CRPPA: variants seen among roughly 807,000 people sequenced by gnomAD.
CRPPA encodes the protein D-ribitol-5-phosphate cytidylyltransferase.
A neutral mutation model predicts 52.0 loss-of-function variants in CRPPA; 43 were observed. That is an observed-to-expected ratio of 0.83 (90% CI 0.65 to 1.07). CRPPA has a LOEUF of 1.07. CRPPA is among the 50% of genes least tolerant of loss of function. The pLI is 0.00. For missense variants in CRPPA, 629 were observed against 551.7 expected (o/e 1.14, Z -1.40); for synonymous variants, 250 against 203.5 (o/e 1.23, Z -1.94).
intron 9 of CRPPA, 44 bp downstream of exon 9, chr7:16,216,022 C>G: frequency 6.9e-7 from 1 of 1,450,064 alleles, no homozygotes; most frequent in South Asian, 1.3e-5. Context: ...ACCATTAAAA[C>G]TAGTCTACAG....
At chr7:16,389,200 A>G (rs1455314969) in intron 2 of CRPPA, among the ~76,000 whole-genome samples, 2 of 152,222 alleles carry the variant, frequency 1.3e-5, no homozygotes, top group African/African-American at 2.4e-5. Flanking sequence ...GTTAATACTA[A>G]TTCCTCAAAC....
intron 2 of CRPPA, among the ~76,000 whole-genome samples, chr7:16,397,492 ATGAC>A (rs1787631139): frequency 2.0e-5 from 3 of 152,226 alleles, no homozygotes; most frequent in East Asian, 3.9e-4. Flanking sequence ...TAACAGAAAC[ATGAC>A]TGACACATAA....
chr7:16,089,527 A>G lies in CRPPA; in HGVS notation c.*2168T>C, dbSNP rs1212308585. 4 of 272,154 alleles carry G rather than the reference A, an allele frequency of 1.5e-5. No homozygotes were observed. The highest frequency in any genetic ancestry group is 3.2e-5 in the Non-Finnish European group (4 of 125,594). 16.9% of individuals were successfully genotyped at this position (272,154 alleles called of 1,614,324 possible). A position where few individuals can be genotyped will look rare whatever the true frequency, so the allele number is the denominator to read the frequency against. On this transcript the variant is annotated 3_prime_UTR_variant, in exon 10 of 10. Transcript: ENST00000407010. The stretch of plus-strand genomic sequence containing the variant: ...CATACATAGATATGGGTATATATGT[A>G]CGTACATACATATATATGTATATAC...
intron 9 of CRPPA, among the ~76,000 whole-genome samples, chr7:16,168,909 G>A (rs1781121498): frequency 1.3e-5 from 2 of 152,148 alleles, no homozygotes; most frequent in South Asian, 4.1e-4. Flanking sequence ...TTGGCTGAGT[G>A]TACCTGAAAA....
chr7:16,159,201 A>G (rs1010669218), intron 9 of CRPPA, among the ~76,000 whole-genome samples: 2 of 152,034 alleles, frequency 1.3e-5, no homozygotes, highest in Admixed American at 1.3e-4. Flanking sequence ...CAGATCACCT[A>G]AGGTCAGGAG....
At chr7:16,251,122 A>G (rs1356858503) in intron 8 of CRPPA, among the ~76,000 whole-genome samples, 2 of 152,218 alleles carry the variant, frequency 1.3e-5, no homozygotes, top group African/African-American at 2.4e-5. Context: ...AGATAAAAAA[A>G]TACAAGGAAG....
At chr7:16,304,847 G>A (rs570077331) in intron 4 of CRPPA, among the ~76,000 whole-genome samples, 42 of 152,192 alleles carry the variant, frequency 2.8e-4, no homozygotes, top group African/African-American at 6.5e-4. Flanking sequence ...ATCTTCCTTC[G>A]CCTTACACTG....
intron 8 of CRPPA, among the ~76,000 whole-genome samples, chr7:16,252,770 C>T (rs1412929575): frequency 1.3e-5 from 2 of 152,080 alleles, no homozygotes; most frequent in Non-Finnish European, 2.9e-5. Context: ...TTAATTATTG[C>T]CTCAATTTCA....
chr7:16,135,005 A>T (rs1029682918), intron 9 of CRPPA, among the ~76,000 whole-genome samples: 4 of 152,172 alleles, frequency 2.6e-5, no homozygotes, highest in Non-Finnish European at 4.4e-5. Context: ...CTTTAAGTGG[A>T]ACACACTATA....
chr7:16,338,690 A>C (rs1023523399), intron 3 of CRPPA, among the ~76,000 whole-genome samples: 2 of 152,218 alleles, frequency 1.3e-5, no homozygotes, highest in Non-Finnish European at 2.9e-5. Context: ...GGAAAGGCAT[A>C]ATCTAAAATT....
intron 9 of CRPPA, among the ~76,000 whole-genome samples, chr7:16,211,632 G>C (rs1047447024): frequency 1.3e-5 from 2 of 152,124 alleles, no homozygotes; most frequent in Non-Finnish European, 2.9e-5. Flanking sequence ...GTTCTCCAAA[G>C]GATCATGCAT....
intron 8 of CRPPA, among the ~76,000 whole-genome samples, chr7:16,242,022 G>A (rs933506686): frequency 2.1e-5 from 3 of 142,970 alleles, no homozygotes; most frequent in Non-Finnish European, 3.0e-5. Context: ...GCAGTGGTGC[G>A]ATCTCGGTTC....
intron 1 of CRPPA, among the ~76,000 whole-genome samples, chr7:16,415,289 A>G (rs1788167325): frequency 6.6e-6 from 1 of 152,212 alleles, no homozygotes; most frequent in South Asian, 2.1e-4. Flanking sequence ...TTTTAGAAGA[A>G]TAGCTACTTT....
intron 6 of CRPPA, chr7:16,277,197 A>T (rs1295128): frequency 0.98 from 149,060 of 152,088 alleles, 73,068 homozygotes; most frequent in East Asian, 1. Flanking sequence ...CAGTCTGATA[A>T]CAGAGCCTGT....
intron 9 of CRPPA, among the ~76,000 whole-genome samples, chr7:16,167,324 C>G (rs1450208662): frequency 6.6e-6 from 1 of 152,190 alleles, no homozygotes; most frequent in Admixed American, 6.5e-5. Flanking sequence ...TTGGGTTGAG[C>G]TGATCCAATC....
intron 7 of CRPPA, 50 bp downstream of exon 7, chr7:16,258,870 C>T (rs1299163958): frequency 8.9e-7 from 1 of 1,129,828 alleles, no homozygotes; most frequent in South Asian, 1.5e-5. Context: ...TAGTTCTCTT[C>T]CACATTTGTT....
intron 9 of CRPPA, among the ~76,000 whole-genome samples, chr7:16,214,877 T>C (rs1202685744): frequency 6.6e-6 from 1 of 152,170 alleles, no homozygotes; most frequent in African/African-American, 2.4e-5. Context: ...CTCGGGCAAA[T>C]ATATGTAACT....
chr7:16,104,355 A>G (rs1782106157), intron 9 of CRPPA, among the ~76,000 whole-genome samples: 1 of 152,226 alleles, frequency 6.6e-6, no homozygotes, highest in Non-Finnish European at 1.5e-5. Flanking sequence ...TCTTCCCAAT[A>G]GGGAGGTAGA....
In CRPPA at chr7:16,379,468, T is replaced by C. The variant is rs576377993; in HGVS notation, c.535-3227A>G. On this transcript the variant is annotated intron_variant, in intron 2 of 9. Coordinates refer to ENST00000407010, the MANE Select transcript of CRPPA (RefSeq NM_001101426.4). ...TTTTGGCTTAGGATTGACTTGGCAA[T>C]GTGGGCTCTTTTTTGGTTCCACATG... Among the ~76,000 whole-genome samples, 574 of 152,328 alleles carry C rather than the reference T, an allele frequency of 3.8e-3. 5 individuals are homozygous for C. The highest frequency in any genetic ancestry group is 5.5e-3 in the Admixed American group (84 of 15,300).
Sources: allele counts gnomAD v4.1 joint callset (sites outside exome capture counted in the v4.1 genomes callset), GRCh38; gene constraint gnomAD v4.1.1; transcripts MANE v1.5; gene names NCBI Gene and HGNC (gene_info 2026-07-23, HGNC 2026-07-21).